The following R3HDM1 variants were observed in gnomAD, a reference collection of about 807,000 sequenced individuals.
The protein encoded by R3HDM1 is R3H domain-containing protein 1.
A neutral mutation model predicts 141.1 loss-of-function variants in R3HDM1; 46 were observed. The ratio of observed to expected loss-of-function variants is 0.33; its 90% CI spans 0.26 to 0.42. The LOEUF (loss-of-function observed/expected upper bound fraction) is 0.42, where lower values mean the gene tolerates loss of function less well. R3HDM1 is among the 10% of genes least tolerant of loss of function. The pLI, the probability that R3HDM1 is intolerant of heterozygous loss-of-function variation, is 1.00. For synonymous variants in R3HDM1, 435 were observed against 472.9 expected, an observed-to-expected ratio of 0.92 and a Z score of 1.04; for missense variants, 1,184 against 1,368.3, an observed-to-expected ratio of 0.87 and a Z score of 2.12.
At position 135,661,251 on chromosome 2, in the gene R3HDM1, G is replaced by T. The variant is rs375158983; in HGVS notation, c.2029-19G>T. The T allele has an allele frequency of 6.8e-6, 11 of 1,611,502 alleles. No homozygotes were observed. Among genetic ancestry groups the T allele is most frequent in the Non-Finnish European group, 8.5e-6 (10 of 1,179,070 alleles). ...ATGCAAGTAAAATTGATTTTTTCCC[G>T]CAATATTTATGATCCTAGATGCCAG... On this transcript the variant is annotated intron_variant, in intron 18 of 26. Transcript: ENST00000683871.
At chr2:135,567,388 A>G (rs2104981209) in intron 1 of R3HDM1, among the ~76,000 whole-genome samples, 1 of 152,322 alleles carries the variant, frequency 6.6e-6, no homozygotes, top group East Asian at 1.9e-4. Context: ...TACATTGTGT[A>G]TATGCATACA....
intron 1 of R3HDM1, among the ~76,000 whole-genome samples, chr2:135,533,736 G>A (rs1043548649): frequency 4.6e-5 from 7 of 152,100 alleles, no homozygotes; most frequent in African/African-American, 1.7e-4. Context: ...AAAATTAGTC[G>A]CTCATGGTGG....
chr2:135,723,778 CAAAAAAAA>C (rs541423067), intron 26 of R3HDM1, among the ~76,000 whole-genome samples, 151 bp from the exon 27 acceptor site: 14,048 of 55,652 alleles, frequency 0.25, 1,115 homozygotes, highest in South Asian at 0.47. Context: ...CTCCATCTCC[CAAAAAAAA>C]AAAAAAAAAA....
intron 2 of R3HDM1, among the ~76,000 whole-genome samples, chr2:135,604,475 G>A (rs572440540): frequency 1.3e-5 from 2 of 152,090 alleles, no homozygotes; most frequent in Non-Finnish European, 2.9e-5. Context: ...ACACACTTAT[G>A]TGTTAGCAAT....
chr2:135,573,553 C>T (rs1017082747), intron 1 of R3HDM1, among the ~76,000 whole-genome samples: 1 of 149,734 alleles, frequency 6.7e-6, no homozygotes, highest in African/African-American at 2.5e-5. Context: ...TTAAGGTTTC[C>T]AAATAGAATA....
rs192596082 is a variant in R3HDM1 at position 135,659,668 on chromosome 2, G to A, written c.2029-1602G>A. 1.3e-4 allele frequency among the ~76,000 whole-genome samples: 20 copies of A among 152,178 alleles called. No individual in the cohort carries two copies. The East Asian group carries it at 3.9e-3, about 29-fold the overall frequency. On this transcript the variant is annotated intron_variant, in intron 18 of 26. Transcript: ENST00000683871. Reference sequence around the variant, plus strand: ...GCCCAGTCAGATCTCAAACTCCTGGGCTCAAGCGATCCTCCCGCCTCAGCC... The same window carrying A: ...GCCCAGTCAGATCTCAAACTCCTGGACTCAAGCGATCCTCCCGCCTCAGCC...
intron 21 of R3HDM1, among the ~76,000 whole-genome samples, chr2:135,703,840 A>G (rs1329795485): frequency 6.6e-6 from 1 of 152,188 alleles, no homozygotes; most frequent in African/African-American, 2.4e-5. Flanking sequence ...CTAGGTATAT[A>G]TACCCTCACC....
chr2:135,680,450 A>C (rs181745063), intron 21 of R3HDM1, 126 bp downstream of exon 21: 2 of 1,075,166 alleles, frequency 1.9e-6, no homozygotes, highest in Non-Finnish European at 2.7e-6. Flanking sequence ...GAATAGAAAA[A>C]AACTATAATA....
At chr2:135,700,993 TA>T (rs2074116014) in intron 21 of R3HDM1, among the ~76,000 whole-genome samples, 1 of 152,196 alleles carries the variant, frequency 6.6e-6, no homozygotes, top group Non-Finnish European at 1.5e-5. Flanking sequence ...GATAAAGTTT[TA>T]ATTTATAAAT....
chr2:135,723,700 CTG>C (rs2076918166), intron 26 of R3HDM1, among the ~76,000 whole-genome samples: 1 of 143,864 alleles, frequency 7.0e-6, no homozygotes, highest in Non-Finnish European at 1.5e-5. Context: ...TCGCTTGAAC[CTG>C]GGAGGTGGAG....
At chr2:135,602,737 A>G (rs1008280042) in intron 2 of R3HDM1, 29 bp downstream of exon 2, 10 of 1,438,298 alleles carry the variant, frequency 7.0e-6, no homozygotes, top group Admixed American at 2.9e-5. Context: ...TCAGAAAAAC[A>G]TATTTTTCTT....
chr2:135,623,510 T>G (rs2061694883), intron 7 of R3HDM1, among the ~76,000 whole-genome samples: 2 of 152,222 alleles, frequency 1.3e-5, no homozygotes, highest in Non-Finnish European at 2.9e-5. Context: ...ATGTATTGTA[T>G]TCAGTACTAT....
intron 20 of R3HDM1, among the ~76,000 whole-genome samples, chr2:135,678,787 GTC>G (rs2069681313): frequency 8.5e-6 from 1 of 117,504 alleles, no homozygotes; most frequent in African/African-American, 3.3e-5. Context: ...TGGAGACAGA[GTC>G]TCACTCTGTC....
At chr2:135,632,124 C>A in intron 9 of R3HDM1, 123 bp downstream of exon 9, 2 of 856,710 alleles carry the variant, frequency 2.3e-6, no homozygotes, top group Middle Eastern at 4.0e-4. Flanking sequence ...TTATGATAAC[C>A]TTATGTGATA....
In R3HDM1 at chr2:135,638,827, T is replaced by A. The variant is rs200770108; in HGVS notation, c.992+38T>A. 2.0e-5 allele frequency: 33 copies of A among 1,612,398 alleles called. No homozygotes were observed. In the East Asian group the frequency reaches 3.8e-4, roughly 19 times the overall value. On this transcript the variant is annotated intron_variant, in intron 13 of 26. Coordinates refer to ENST00000683871, the MANE Select transcript of R3HDM1 (RefSeq NM_001378107.1). ...TGTTTTCAATACAGTATTGAAAAAT[T>A]AAAGCATTTTTTTCTTTACTTTTTG...
chr2:135,630,281 CAAAA>C (rs911009655), intron 7 of R3HDM1, among the ~76,000 whole-genome samples: 6 of 39,296 alleles, frequency 1.5e-4, no homozygotes, highest in East Asian at 1.3e-3. Context: ...CCTTCTCAAC[CAAAA>C]AAAAAAAAAA....
intron 3 of R3HDM1, among the ~76,000 whole-genome samples, chr2:135,608,344 T>TTA (rs2105128102): frequency 6.6e-6 from 1 of 151,582 alleles, no homozygotes; most frequent in East Asian, 1.9e-4. Context: ...ATAATAATAA[T>TTA]TTACTATATG....
At chr2:135,584,277 G>A (rs1246856490) in intron 1 of R3HDM1, 10 of 646,204 alleles carry the variant, frequency 1.5e-5, no homozygotes, top group South Asian at 1.4e-4. Flanking sequence ...GCTGTGAGCC[G>A]AGATTGTGCC....
At chr2:135,532,117 C>G (rs973992862) in intron 1 of R3HDM1, among the ~76,000 whole-genome samples, 6 of 152,156 alleles carry the variant, frequency 3.9e-5, no homozygotes, top group African/African-American at 1.4e-4. Context: ...GCGCCGGTGC[C>G]CCGGGCTCCC....
Sources: gnomAD v4.1 joint callset for allele counts (sites outside exome capture counted in the v4.1 genomes callset) on GRCh38, gnomAD v4.1.1 for gene constraint, MANE v1.5 for transcripts, NCBI Gene and HGNC (gene_info 2026-07-23, HGNC 2026-07-21) for gene names.